LHFPL3: variants seen among roughly 807,000 people sequenced by gnomAD.
The protein encoded by LHFPL3 is LHFPL tetraspan subfamily member 3, also known as LHFPL tetraspan subfamily member 3 protein.
LHFPL3 carries 5 observed loss-of-function variants against 19.3 expected under a neutral mutation model. The ratio of observed to expected loss-of-function variants is 0.26; its 90% CI spans 0.14 to 0.54. The LOEUF (loss-of-function observed/expected upper bound fraction) is 0.54. LHFPL3 is among the 20% of genes least tolerant of loss of function. The pLI is 0.94. For synonymous variants in LHFPL3, 133 were observed against 126.2 expected, an observed-to-expected ratio of 1.05 and a Z score of -0.36; for missense variants, 249 against 307.4, an observed-to-expected ratio of 0.81 and a Z score of 1.42.
chr7:104,832,404 GGAGA>G (rs913558687), intron 2 of LHFPL3, among the ~76,000 whole-genome samples: 1 of 151,812 alleles, frequency 6.6e-6, no homozygotes. Context: ...ATACAACAGA[GGAGA>G]GAGATTTTTT....
At chr7:104,446,102 G>T (rs969983648) in intron 1 of LHFPL3, among the ~76,000 whole-genome samples, 1 of 152,096 alleles carries the variant, frequency 6.6e-6, no homozygotes, top group Non-Finnish European at 1.5e-5. Flanking sequence ...CAGTTTCTAT[G>T]AATTTTTTCC....
intron 1 of LHFPL3, among the ~76,000 whole-genome samples, chr7:104,565,414 A>G (rs1790099545): frequency 6.6e-6 from 1 of 152,228 alleles, no homozygotes; most frequent in Non-Finnish European, 1.5e-5. Flanking sequence ...AGCTGTATTT[A>G]AGAATCAGGA....
chr7:104,719,343 TA>T lies in LHFPL3; in HGVS notation c.446-17330del, dbSNP rs1176387373. ...TTAAGAACATATAAAAATGTTTAGC[TA>T]ACATAAAGCCAACTTAAAATATCGA... On this transcript the variant is annotated intron_variant, in intron 1 of 2. Transcript: ENST00000424859. 9.2e-5 allele frequency among the ~76,000 whole-genome samples: 14 copies of T among 152,190 alleles called. No individual in the cohort carries two copies. In the East Asian group the frequency reaches 2.3e-3, roughly 25 times the overall value.
chr7:104,748,887 C>T lies in LHFPL3; in HGVS notation c.682+11976C>T, dbSNP rs551453305. ...GGTGTGGAGGGGCAACCCACCCCTA[C>T]ATCTGGCGCCCAACGTGGGGCTAAG... On this transcript the variant is annotated intron_variant, in intron 2 of 2. Transcript: ENST00000424859. Among the ~76,000 whole-genome samples the T allele has an allele frequency of 1.3e-3, 203 of 152,360 alleles. 1 individual carries two copies. Among genetic ancestry groups the T allele is most frequent in the African/African-American group, 4.1e-3 (172 of 41,588 alleles).
Position 104,558,073 on chromosome 7 carries a change from T to A in LHFPL3, c.446-178602T>A, listed in dbSNP as rs1389069715. Among the ~76,000 whole-genome samples, 7 of 150,180 alleles carry A rather than the reference T, an allele frequency of 4.7e-5. No individual in the cohort carries two copies. In the South Asian group the frequency reaches 1.0e-3, roughly 22 times the overall value. Reference sequence around the variant, plus strand: ...TGTGCCACATTTTCTTAATCCAGTCTATCACTGTTGGACATTTGGGTTGGT... The same window carrying A: ...TGTGCCACATTTTCTTAATCCAGTCAATCACTGTTGGACATTTGGGTTGGT... On this transcript the variant is annotated intron_variant, in intron 1 of 2. Transcript: ENST00000424859.
intron 1 of LHFPL3, among the ~76,000 whole-genome samples, chr7:104,618,554 A>G (rs1470408548): frequency 6.6e-5 from 10 of 152,086 alleles, no homozygotes; most frequent in Admixed American, 3.9e-4. Context: ...ACGTCTTCCA[A>G]TTCGTTATAC....
At chr7:104,653,140 G>C (rs1169480316) in intron 1 of LHFPL3, among the ~76,000 whole-genome samples, 1 of 152,168 alleles carries the variant, frequency 6.6e-6, no homozygotes, top group Admixed American at 6.5e-5. Context: ...TAAAAACCAT[G>C]CTACAGTTGG....
At chr7:104,496,370 T>C (rs1793481918) in intron 1 of LHFPL3, among the ~76,000 whole-genome samples, 1 of 152,238 alleles carries the variant, frequency 6.6e-6, no homozygotes, top group African/African-American at 2.4e-5. Flanking sequence ...AGTCTATCAT[T>C]GTTGGACCTT....
intron 2 of LHFPL3, among the ~76,000 whole-genome samples, chr7:104,818,684 G>A (rs1042663177): frequency 2.0e-5 from 3 of 151,986 alleles, no homozygotes; most frequent in Non-Finnish European, 2.9e-5. Context: ...GGGGAAACTC[G>A]GGCAAAGCCA....
At chr7:104,576,342 T>C (rs1374223780) in intron 1 of LHFPL3, among the ~76,000 whole-genome samples, 1 of 152,134 alleles carries the variant, frequency 6.6e-6, no homozygotes, top group African/African-American at 2.4e-5. Context: ...GTAAGCCAAA[T>C]GTGGGAGGAC....
At chr7:104,752,201 G>A (rs1266424556) in intron 2 of LHFPL3, among the ~76,000 whole-genome samples, 6 of 151,890 alleles carry the variant, frequency 4.0e-5, no homozygotes, top group Admixed American at 6.6e-5. Flanking sequence ...TAATTTTAAC[G>A]TTTCAGGATA....
At chr7:104,618,704 C>G (rs1327837264) in intron 1 of LHFPL3, among the ~76,000 whole-genome samples, 2 of 151,868 alleles carry the variant, frequency 1.3e-5, no homozygotes, top group African/African-American at 2.4e-5. Flanking sequence ...AGGAGAGAAG[C>G]CCTACACTAG....
At chr7:104,492,375 T>C (rs1441536067) in intron 1 of LHFPL3, among the ~76,000 whole-genome samples, 1 of 152,210 alleles carries the variant, frequency 6.6e-6, no homozygotes, top group African/African-American at 2.4e-5. Flanking sequence ...ACTTACTAAG[T>C]AGTTTTAGGG....
intron 2 of LHFPL3, among the ~76,000 whole-genome samples, chr7:104,900,401 T>C (rs994141435): frequency 6.6e-6 from 1 of 152,248 alleles, no homozygotes; most frequent in Non-Finnish European, 1.5e-5. Context: ...GAGAAAGTGT[T>C]GTGCCTTGTG....
At chr7:104,430,470 T>G (rs1156355038) in intron 1 of LHFPL3, among the ~76,000 whole-genome samples, 4 of 35,120 alleles carry the variant, frequency 1.1e-4, no homozygotes, top group African/African-American at 6.7e-4. Flanking sequence ...TTTTTTTTTT[T>G]TTTTTTTTTT....
intron 1 of LHFPL3, among the ~76,000 whole-genome samples, chr7:104,360,482 C>T (rs1049004691): frequency 1.3e-5 from 2 of 152,082 alleles, no homozygotes; most frequent in African/African-American, 4.8e-5. Context: ...AGGGAGGAAA[C>T]TGAGCAGGTG....
Position 104,669,289 on chromosome 7 carries a change from C to T in LHFPL3, c.446-67386C>T, listed in dbSNP as rs1792425804. On this transcript the variant is annotated intron_variant, in intron 1 of 2. Transcript: ENST00000424859. ...TGGGGGAAAAGTAGCTCCAGCTCAA[C>T]CATCTGAGGAAGGACCAGGAAGGAA... 5.6e-6 allele frequency: 9 copies of T among 1,613,772 alleles called. No individual in the cohort carries two copies. In the South Asian group the frequency reaches 8.8e-5, roughly 16 times the overall value.
chr7:104,681,344 G>A (rs1375621416), intron 1 of LHFPL3, among the ~76,000 whole-genome samples: 3 of 152,056 alleles, frequency 2.0e-5, no homozygotes, highest in Admixed American at 1.3e-4. Flanking sequence ...AAGGGAAGGG[G>A]CTAGGCATGG....
chr7:104,450,911 C>G (rs917475975), intron 1 of LHFPL3, among the ~76,000 whole-genome samples: 10 of 152,140 alleles, frequency 6.6e-5, no homozygotes, highest in Admixed American at 2.6e-4. Context: ...TTAGCGCTTT[C>G]GCTGTCTCTG....
Sources: gnomAD v4.1 joint callset for allele counts (sites outside exome capture counted in the v4.1 genomes callset) on GRCh38, gnomAD v4.1.1 for gene constraint, MANE v1.5 for transcripts, NCBI Gene and HGNC (gene_info 2026-07-23, HGNC 2026-07-21) for gene names.